CSMD3: variants seen among roughly 807,000 people sequenced by gnomAD.
The protein encoded by CSMD3 is CUB and sushi domain-containing protein 3.
A neutral mutation model predicts 435.2 loss-of-function variants in CSMD3; 177 were observed. That is an observed-to-expected ratio of 0.41 (90% CI 0.36 to 0.46). The LOEUF (loss-of-function observed/expected upper bound fraction) is 0.46. CSMD3 is among the 20% of genes least tolerant of loss of function. The probability of loss-of-function intolerance (pLI) is 0.34; values close to 1 mark genes in which losing one functional copy is unlikely to be tolerated. For synonymous variants in CSMD3, 1,656 were observed against 1,520.5 expected (o/e 1.09, Z -2.07); for missense variants, 4,265 against 4,504.6 (o/e 0.95, Z 1.52).
intron 6 of CSMD3, among the ~76,000 whole-genome samples, chr8:112,986,964 C>T (rs1234888245): frequency 1.3e-5 from 2 of 151,912 alleles, no homozygotes; most frequent in Non-Finnish European, 2.9e-5. Flanking sequence ...CCCTCATCTT[C>T]CTCTAGCATA....
At chr8:112,299,487 A>G (rs1328099175) in intron 53 of CSMD3, among the ~76,000 whole-genome samples, 1 of 152,078 alleles carries the variant, frequency 6.6e-6, no homozygotes, top group East Asian at 1.9e-4. Context: ...AAATTAATGG[A>G]TTGATGGAGG....
intron 22 of CSMD3, among the ~76,000 whole-genome samples, chr8:112,603,916 T>C (rs1832584649): frequency 6.6e-6 from 1 of 152,068 alleles, no homozygotes; most frequent in Admixed American, 6.6e-5. Context: ...AAAAATCAAA[T>C]AAAACCAGGT....
chr8:113,083,569 G>C (rs2089646273), intron 5 of CSMD3, among the ~76,000 whole-genome samples: 1 of 151,730 alleles, frequency 6.6e-6, no homozygotes, highest in African/African-American at 2.4e-5. Context: ...ACAAACAAAA[G>C]TATACAACTC....
chr8:113,328,191 C>T (rs1294759002), intron 1 of CSMD3, among the ~76,000 whole-genome samples: 1 of 151,996 alleles, frequency 6.6e-6, no homozygotes, highest in East Asian at 1.9e-4. Context: ...GTAATCCCAG[C>T]ACTTTGGGAG....
chr8:113,068,060 A>C (rs2088939368), intron 5 of CSMD3, among the ~76,000 whole-genome samples: 1 of 152,182 alleles, frequency 6.6e-6, no homozygotes, highest in African/African-American at 2.4e-5. Context: ...ATGTTTTAAA[A>C]CAAACTGTTC....
At position 112,287,223 on chromosome 8, in the gene CSMD3, C is replaced by T. The variant is rs759864023; in HGVS notation, c.9172G>A (p.Asp3058Asn). 9.9e-6 allele frequency: 16 copies of T among 1,613,438 alleles called. No individual in the cohort carries two copies. The highest frequency in any genetic ancestry group is 5.5e-5 in the South Asian group (5 of 91,078). ...CSGDATGTCG[D>N]PGTPGHGSRQ... Reference sequence around the variant, plus strand: ...GAGCCATGGCCGGGAGTACCTGGATCGCCACATGTCCCAGTAGCATCACCT... The same window carrying T: ...GAGCCATGGCCGGGAGTACCTGGATTGCCACATGTCCCAGTAGCATCACCT... Residue 3058 changes from aspartate to asparagine, a missense_variant, in exon 58 of 71, where the codon GAT (aspartate) becomes AAT (asparagine). Physicochemically the swap from Asp to Asn is conservative, Grantham distance 23. Coordinates refer to ENST00000297405, the MANE Select transcript of CSMD3 (RefSeq NM_198123.2).
chr8:113,058,287 A>G (rs759425410), intron 5 of CSMD3, among the ~76,000 whole-genome samples: 1 of 151,940 alleles, frequency 6.6e-6, no homozygotes, highest in Admixed American at 6.6e-5. Flanking sequence ...TTGAAACATT[A>G]AGTATTGTGG....
At position 113,174,029 on chromosome 8, in the gene CSMD3, A is replaced by G. The variant is rs542874290; in HGVS notation, c.515-113T>C. 6.4e-4 allele frequency: 503 copies of G among 789,284 alleles called. 5 individuals are homozygous for G. The African/African-American group carries it at 7.8e-3, about 12-fold the overall frequency. 48.9% of individuals were successfully genotyped at this position (789,284 alleles called of 1,614,324 possible). ...GGATATTCTTATTTCTTTGGAGAAG[A>G]GTCACTGAAAGGAACTGTCTTCTAT... On this transcript the variant is annotated intron_variant, in intron 3 of 70. Coordinates refer to ENST00000297405, the MANE Select transcript of CSMD3 (RefSeq NM_198123.2).
intron 6 of CSMD3, among the ~76,000 whole-genome samples, chr8:112,977,974 G>A (rs2084915652): frequency 6.6e-6 from 1 of 151,934 alleles, no homozygotes; most frequent in African/African-American, 2.4e-5. Flanking sequence ...GTACATTTGT[G>A]ATGTGCAGTT....
At chr8:112,637,036 G>A (rs770507641) in intron 21 of CSMD3, 31 bp from the exon 22 acceptor site, 1 of 1,556,712 alleles carries the variant, frequency 6.4e-7, no homozygotes, top group South Asian at 1.1e-5. Flanking sequence ...TTTCCCCGCG[G>A]GGGAGGAAAG....
At chr8:113,398,018 G>C (rs1356541077) in intron 1 of CSMD3, among the ~76,000 whole-genome samples, 1 of 151,982 alleles carries the variant, frequency 6.6e-6, no homozygotes, top group South Asian at 2.1e-4. Context: ...AAATAAAGTT[G>C]TGAACATTAA....
intron 38 of CSMD3, among the ~76,000 whole-genome samples, chr8:112,371,845 G>T (rs1050777119): frequency 1.3e-5 from 2 of 151,670 alleles, no homozygotes; most frequent in African/African-American, 2.4e-5. Flanking sequence ...CTGAGATCAC[G>T]CACCATTGCA....
At chr8:113,322,237 A>G (rs554585764) in intron 1 of CSMD3, among the ~76,000 whole-genome samples, 35 of 152,236 alleles carry the variant, frequency 2.3e-4, no homozygotes, top group African/African-American at 8.2e-4. Context: ...TAAATTTATT[A>G]TATATGTATG....
chr8:112,486,045 T>A (rs753654389), intron 31 of CSMD3, among the ~76,000 whole-genome samples: 2 of 151,826 alleles, frequency 1.3e-5, no homozygotes, highest in Non-Finnish European at 2.9e-5. Flanking sequence ...ATATAGGCCT[T>A]TGTATACTGT....
intron 13 of CSMD3, among the ~76,000 whole-genome samples, chr8:112,727,577 TGGC>T (rs2076992389): frequency 6.6e-6 from 1 of 151,704 alleles, no homozygotes; most frequent in African/African-American, 2.4e-5. Context: ...GTTTGCAAAT[TGGC>T]TTTTAAAAAA....
chr8:112,474,411 A>C (rs1818839696), intron 31 of CSMD3, among the ~76,000 whole-genome samples: 1 of 152,178 alleles, frequency 6.6e-6, no homozygotes, highest in African/African-American at 2.4e-5. Context: ...GGGAATGTAT[A>C]AAGTAGTTTG....
At chr8:112,619,188 T>C (rs1833880845) in intron 22 of CSMD3, among the ~76,000 whole-genome samples, 1 of 152,076 alleles carries the variant, frequency 6.6e-6, no homozygotes, top group African/African-American at 2.4e-5. Flanking sequence ...CCTCCCATAC[T>C]CCATTTTCTA....
At position 112,705,767 on chromosome 8, in the gene CSMD3, C is replaced by T. The variant is rs567353212; in HGVS notation, c.1973-15717G>A. 3.3e-5 allele frequency among the ~76,000 whole-genome samples: 5 copies of T among 152,162 alleles called. No homozygotes were observed. In the South Asian group the frequency reaches 8.3e-4, roughly 25 times the overall value. On this transcript the variant is annotated intron_variant, in intron 13 of 70. Transcript: ENST00000297405. ...TTTTCAAGATAAAAAATGGACTATACTCTGGTCAACACCTTTGCTAAAAAA... is the reference window on the plus strand; with the variant it reads ...TTTTCAAGATAAAAAATGGACTATATTCTGGTCAACACCTTTGCTAAAAAA...
chr8:112,611,184 C>A (rs538735623), intron 22 of CSMD3, among the ~76,000 whole-genome samples: 1 of 152,114 alleles, frequency 6.6e-6, no homozygotes, highest in Non-Finnish European at 1.5e-5. Context: ...AGAAATGCCA[C>A]GCATAATGCA....
Sources: gnomAD v4.1 joint callset for allele counts (sites outside exome capture counted in the v4.1 genomes callset) on GRCh38, gnomAD v4.1.1 for gene constraint, MANE v1.5 for transcripts, NCBI Gene and HGNC (gene_info 2026-07-23, HGNC 2026-07-21) for gene names.